Variants in NUDT12 observed in about 807,000 individuals in gnomAD.
NUDT12 encodes nudix hydrolase 12.
NUDT12 carries 42 observed loss-of-function variants against 45.7 expected under a neutral mutation model. That is an observed-to-expected ratio of 0.92 (90% CI 0.72 to 1.19). The LOEUF (loss-of-function observed/expected upper bound fraction) is 1.19. Ranked by LOEUF, NUDT12 falls within the 50% of genes most tolerant of loss-of-function variation. NUDT12 has a pLI of 0.00. For synonymous variants in NUDT12, 206 were observed against 179.7 expected (o/e 1.15, Z -1.17); for missense variants, 590 against 533.1 (o/e 1.11, Z -1.05).
At chr5:103,551,506 G>A (rs113942473) in intron 6 of NUDT12, among the ~76,000 whole-genome samples, 2 of 152,228 alleles carry the variant, frequency 1.3e-5, no homozygotes, top group Non-Finnish European at 2.9e-5. Context: ...ATTCCCTTAT[G>A]AAAATGACAT....
chr5:103,556,102 C>A lies in NUDT12; in HGVS notation c.797-4G>T. The A allele has an allele frequency of 1.3e-6, 2 of 1,543,144 alleles. No homozygotes were observed. The highest frequency in any genetic ancestry group is 1.3e-5 in the South Asian group (1 of 77,700). ...GATCTTGCTTGAGCTACAACCCCTTCAAAAAAAAGAAAAGCACAAAAATTT... is the reference window on the plus strand; with the variant it reads ...GATCTTGCTTGAGCTACAACCCCTTAAAAAAAAAGAAAAGCACAAAAATTT... On this transcript the variant is annotated splice_region_variant and splice_polypyrimidine_tract_variant and intron_variant, in intron 3 of 6. Coordinates refer to ENST00000230792, the MANE Select transcript of NUDT12 (RefSeq NM_031438.4).
chr5:103,553,774 C>T (rs936816100), intron 5 of NUDT12, among the ~76,000 whole-genome samples: 2 of 151,984 alleles, frequency 1.3e-5, no homozygotes. Flanking sequence ...GATTACTACC[C>T]AGCAGTTAAG....
chr5:103,560,170 TG>T lies in NUDT12; in HGVS notation c.78del (p.Lys27SerfsTer2). 1 of 1,613,776 alleles carries T rather than the reference TG, an allele frequency of 6.2e-7. No homozygotes were observed. The highest frequency in any genetic ancestry group is 1.3e-5 in the African/African-American group (1 of 75,040). On this transcript the variant is annotated frameshift_variant, in exon 2 of 7. Coordinates refer to ENST00000230792, the MANE Select transcript of NUDT12 (RefSeq NM_031438.4). LOFTEE classifies it high-confidence loss of function. The part of the protein sequence containing the change: ...FHCSAAEGDI[A>X]KLTGILSHSP... ...GAATGACTGAGTATTCCTGTTAACT[TG>T]GCAATATCTCCTTCAGCAGCTGAAC...
intron 1 of NUDT12, among the ~76,000 whole-genome samples, chr5:103,562,037 T>C (rs1349101420): frequency 6.6e-6 from 1 of 152,206 alleles, no homozygotes. Flanking sequence ...ACTTTTTCAA[T>C]TCTCATTGAC....
At chr5:103,551,572 G>A (rs529046788) in intron 6 of NUDT12, among the ~76,000 whole-genome samples, 30 of 152,190 alleles carry the variant, frequency 2.0e-4, no homozygotes, top group African/African-American at 6.0e-4. Context: ...GCCAACTTTT[G>A]AAACAGATTC....
chr5:103,560,307 C>A (rs774406831), intron 1 of NUDT12, 53 bp from the exon 2 acceptor site: 19 of 1,053,318 alleles, frequency 1.8e-5, no homozygotes, highest in Non-Finnish European at 2.8e-5. Flanking sequence ...GCTTTTTTAT[C>A]AATGAACAAT....
chr5:103,560,227 G>A lies in NUDT12; in HGVS notation c.22C>T (p.Leu8=). Residue 8 remains leucine, a synonymous_variant, in exon 2 of 7, where the codon CTG becomes TTG. Transcript: ENST00000230792. The part of the protein sequence containing the change: MSSVKRS[L]KQEIVTQFHC... ...AACTGAGTAACTATTTCTTGCTTCA[G>A]ACTTCTTTTTACAGAAGACATTTCT... 6.2e-7 allele frequency: 1 copy of A among 1,613,500 alleles called. No individual in the cohort carries two copies. The highest frequency in any genetic ancestry group is 8.5e-7 in the Non-Finnish European group (1 of 1,179,534).
Position 103,556,002 on chromosome 5 carries a change from T to C in NUDT12, c.893A>G (p.Tyr298Cys), listed in dbSNP as rs753526404. ...GTCTTCTTTTAAACATAATCTCTTA[T>C]AGCCACCTTCTTCAATTTTAGTTGC... ...GNATKIEEGGYKRLCLKEDCP... is the reference protein window; with the variant it reads ...GNATKIEEGGCKRLCLKEDCP... The change falls in exon 4 of 7, where the codon TAT (tyrosine) becomes TGT (cysteine). Residue 298 changes from tyrosine (Y) to cysteine (C), a missense_variant. Physicochemically the swap from Tyr to Cys is radical, Grantham distance 194. Coordinates refer to ENST00000230792, the MANE Select transcript of NUDT12 (RefSeq NM_031438.4). 5.6e-6 allele frequency: 9 copies of C among 1,611,782 alleles called. No homozygotes were observed. The highest frequency in any genetic ancestry group is 2.2e-5 in the South Asian group (2 of 90,838).
At chr5:103,552,590 T>C (rs1562617071) in intron 5 of NUDT12, among the ~76,000 whole-genome samples, 174 bp from the exon 6 acceptor site, 1 of 152,194 alleles carries the variant, frequency 6.6e-6, no homozygotes, top group Non-Finnish European at 1.5e-5. Flanking sequence ...TTAAAGTACA[T>C]GACCACATAT....
Position 103,552,364 on chromosome 5 carries a change from G to C in NUDT12, c.1131C>G (p.Val377=). 6.2e-7 allele frequency: 1 copy of C among 1,613,942 alleles called. No homozygotes were observed. The highest frequency in any genetic ancestry group is 2.2e-5 in the East Asian group (1 of 44,866). Residue 377 remains valine, a synonymous_variant, in exon 6 of 7, where the codon GTC becomes GTG. Coordinates refer to ENST00000230792, the MANE Select transcript of NUDT12 (RefSeq NM_031438.4). Reference sequence around the variant, plus strand: ...CAACATACTGAACATGGCCAACTTTGACTCCACTTTCCTCTTCTACTTCTC... The same window carrying C: ...CAACATACTGAACATGGCCAACTTTCACTCCACTTTCCTCTTCTACTTCTC... The part of the protein sequence containing the change: ...VRREVEEESG[V]KVGHVQYVAC...
chr5:103,553,073 A>C (rs1748707640), intron 5 of NUDT12, among the ~76,000 whole-genome samples: 2 of 152,102 alleles, frequency 1.3e-5, no homozygotes, highest in African/African-American at 4.8e-5. Context: ...GGAAGTTTAG[A>C]AACATTTTGC....
intron 3 of NUDT12, 127 bp from the exon 4 acceptor site, chr5:103,556,225 A>C (rs1229428237): frequency 1.8e-5 from 10 of 544,356 alleles, no homozygotes; most frequent in Non-Finnish European, 2.9e-5. Flanking sequence ...TTCTATTTTT[A>C]TAATGCGTAT....
At chr5:103,553,072 G>A (rs139753565) in intron 5 of NUDT12, among the ~76,000 whole-genome samples, 3,988 of 152,046 alleles carry the variant, frequency 0.026, 67 homozygotes, top group Middle Eastern at 0.055. Flanking sequence ...TGGAAGTTTA[G>A]AAACATTTTG....
chr5:103,562,719 T>C lies in NUDT12; in HGVS notation c.-23A>G, dbSNP rs746203862. On this transcript the variant is annotated 5_prime_UTR_variant, in exon 1 of 7. Coordinates refer to ENST00000230792, the MANE Select transcript of NUDT12 (RefSeq NM_031438.4). ...TCTACTAACCCAAAGGTGACCACAG[T>C]AGAGGCAACCAGGATGCAGTCCAAA... is the stretch of plus-strand genomic sequence containing the variant. The C allele has an allele frequency of 6.9e-6, 1 of 145,648 alleles. No homozygotes were observed. Among genetic ancestry groups the C allele is most frequent in the African/African-American group, 2.5e-5 (1 of 40,040 alleles). The allele number at this position is 145,648 out of a possible 1,614,324, so 9.0% of individuals were successfully genotyped here.
At chr5:103,551,769 T>C (rs796130535) in intron 6 of NUDT12, among the ~76,000 whole-genome samples, 26 of 152,336 alleles carry the variant, frequency 1.7e-4, no homozygotes, top group African/African-American at 6.0e-4. Flanking sequence ...TATACAGTTA[T>C]GTCATTCTTG....
chr5:103,554,945 A>G (rs893487674), intron 4 of NUDT12, 92 bp from the exon 5 acceptor site: 3 of 502,794 alleles, frequency 6.0e-6, no homozygotes, highest in South Asian at 9.2e-5. Context: ...ATATAAAGGT[A>G]TATCTCCTAT....
Position 103,554,841 on chromosome 5 carries a change from A to T in NUDT12, c.977T>A (p.Ile326Asn), listed in dbSNP as rs769537738. The T allele has an allele frequency of 6.7e-7, 1 of 1,487,428 alleles. No homozygotes were observed. The highest frequency in any genetic ancestry group is 1.3e-5 in the South Asian group (1 of 78,700). 92.1% of individuals were successfully genotyped at this position (1,487,428 alleles called of 1,614,324 possible). A position where few individuals can be genotyped will look rare whatever the true frequency, so the allele number is the denominator to read the frequency against. The change falls in exon 5 of 7, where the codon ATC becomes AAC. Residue 326 changes from isoleucine (I) to asparagine (N), a missense_variant. Transcript: ENST00000230792. ...CCCATCTGGATGAATAACTTGCATGATTACTACTGGATCTGTTGAAAAAAA... is the reference window on the plus strand; with the variant it reads ...CCCATCTGGATGAATAACTTGCATGTTTACTACTGGATCTGTTGAAAAAAA... Reference protein sequence around the residue: ...TSYPRVDPVVIMQVIHPDGTK... With the variant: ...TSYPRVDPVVNMQVIHPDGTK...
chr5:103,555,450 T>G (rs745859770), intron 4 of NUDT12, among the ~76,000 whole-genome samples: 1 of 152,050 alleles, frequency 6.6e-6, no homozygotes, highest in East Asian at 1.9e-4. Flanking sequence ...CCCAGAGGCC[T>G]CCTCAGGTGT....
chr5:103,558,790 G>T, intron 3 of NUDT12, 89 bp downstream of exon 3: 1 of 810,400 alleles, frequency 1.2e-6, no homozygotes, highest in Non-Finnish European at 1.9e-6. Context: ...ACTGGAAAAA[G>T]AGTGCCCCTG....
Sources: allele counts gnomAD v4.1 joint callset (sites outside exome capture counted in the v4.1 genomes callset), GRCh38; gene constraint gnomAD v4.1.1; transcripts MANE v1.5; gene names NCBI Gene and HGNC (gene_info 2026-07-23, HGNC 2026-07-21).